Variants in AK9 observed in about 807,000 individuals in gnomAD.
AK9 encodes the protein adenylate kinase 9.
AK9 carries 191 observed loss-of-function variants against 239.6 expected under a neutral mutation model. The ratio of observed to expected loss-of-function variants is 0.80; its 90% CI spans 0.71 to 0.90. The LOEUF (loss-of-function observed/expected upper bound fraction) is 0.90. AK9 is among the 40% of genes least tolerant of loss of function. The pLI is 0.00. For missense variants in AK9, 1,995 were observed against 2,214.7 expected, an observed-to-expected ratio of 0.90 and a Z score of 1.99; for synonymous variants, 689 against 721.0, an observed-to-expected ratio of 0.96 and a Z score of 0.71.
In AK9 at chr6:109,497,909, T is replaced by C; in HGVS notation, c.5103A>G (p.Pro1701=). ...YVPPLAPHPL[P]SADMIPKRLT... The stretch of plus-strand genomic sequence containing the variant: ...GTCTTTTGGGGATCATGTCAGCAGA[T>C]GGGAGTGGATGAGGTGCTAAGGGAG... The change falls in exon 37 of 41, where the codon CCA becomes CCG. Residue 1701 remains proline, a synonymous_variant. Transcript: ENST00000424296. 1.2e-6 allele frequency: 2 copies of C among 1,614,114 alleles called. No homozygotes were observed. The highest frequency in any genetic ancestry group is 1.1e-5 in the South Asian group (1 of 91,080).
intron 21 of AK9, among the ~76,000 whole-genome samples, chr6:109,568,003 G>A (rs1436667933): frequency 6.6e-6 from 1 of 151,980 alleles, no homozygotes; most frequent in Non-Finnish European, 1.5e-5. Flanking sequence ...CAATGTCCCT[G>A]ATGAACATGG....
chr6:109,592,783 T>A lies in AK9; in HGVS notation c.1843-6711A>T, dbSNP rs149376968. 5.9e-3 allele frequency among the ~76,000 whole-genome samples: 666 copies of A among 113,120 alleles called. 6 individuals carry two copies. The highest frequency in any genetic ancestry group is 0.058 in the Middle Eastern group (11 of 190). 74.2% of individuals were successfully genotyped at this position (113,120 alleles called of 152,430 possible). A position where few individuals can be genotyped will look rare whatever the true frequency, so the allele number is the denominator to read the frequency against. On this transcript the variant is annotated intron_variant, in intron 17 of 40. Transcript: ENST00000424296. ...ATAAGTGATTAGATGCTTCTCTCTT[T>A]CTGATTTTAGGATTTTTTTCCCTTC...
chr6:109,644,767 G>A, intron 8 of AK9, 79 bp from the exon 9 acceptor site: 1 of 1,177,012 alleles, frequency 8.5e-7, no homozygotes, highest in Non-Finnish European at 1.2e-6. Context: ...TTAATATACT[G>A]TGCAGATATA....
intron 26 of AK9, among the ~76,000 whole-genome samples, chr6:109,544,231 G>A (rs1029143875): frequency 7.2e-5 from 11 of 152,126 alleles, no homozygotes; most frequent in African/African-American, 2.7e-4. Flanking sequence ...ACTGCATTTG[G>A]ATCATTTGAG....
At chr6:109,602,363 G>C (rs914379822) in intron 17 of AK9, among the ~76,000 whole-genome samples, 1 of 152,152 alleles carries the variant, frequency 6.6e-6, no homozygotes, top group Non-Finnish European at 1.5e-5. Flanking sequence ...GAAATTCTGG[G>C]TTGAAAATTC....
intron 17 of AK9, among the ~76,000 whole-genome samples, chr6:109,605,108 G>A (rs1792662233): frequency 6.6e-6 from 1 of 151,964 alleles, no homozygotes; most frequent in South Asian, 2.1e-4. Flanking sequence ...ATGTTTCAAG[G>A]CATTGTATAA....
chr6:109,652,716 C>T (rs1799143114), intron 8 of AK9, among the ~76,000 whole-genome samples: 2 of 152,176 alleles, frequency 1.3e-5, no homozygotes, highest in Non-Finnish European at 2.9e-5. Context: ...GTACTAACTG[C>T]AACCAGTGAA....
chr6:109,569,420 C>A (rs991510216), intron 21 of AK9, among the ~76,000 whole-genome samples: 3 of 152,016 alleles, frequency 2.0e-5, no homozygotes, highest in Admixed American at 6.6e-5. Flanking sequence ...AAAAGCCAAA[C>A]TTGACAAATG....
intron 19 of AK9, among the ~76,000 whole-genome samples, chr6:109,580,161 T>C (rs1241496703): frequency 1.3e-5 from 2 of 152,134 alleles, no homozygotes; most frequent in East Asian, 3.8e-4. Flanking sequence ...GCAGAACATT[T>C]GTAAATTTAT....
At chr6:109,498,688 T>C (rs1777310478) in intron 36 of AK9, among the ~76,000 whole-genome samples, 1 of 152,238 alleles carries the variant, frequency 6.6e-6, no homozygotes, top group African/African-American at 2.4e-5. Flanking sequence ...TTCTACTGAC[T>C]CTGATTCCCT....
intron 17 of AK9, among the ~76,000 whole-genome samples, chr6:109,601,324 TTCGTTATGTA>T (rs1003889962): frequency 6.6e-6 from 1 of 152,248 alleles, no homozygotes; most frequent in African/African-American, 2.4e-5. Context: ...CTGCTTTCAT[TTCGTTATGTA>T]CCCAGTAGTC....
chr6:109,637,960 C>T (rs1359644529), intron 10 of AK9, among the ~76,000 whole-genome samples: 1 of 152,154 alleles, frequency 6.6e-6, no homozygotes, highest in Non-Finnish European at 1.5e-5. Context: ...GGGATTTGGG[C>T]CTCAGGGATT....
intron 3 of AK9, among the ~76,000 whole-genome samples, chr6:109,673,217 G>GT (rs1226589940): frequency 2.6e-5 from 4 of 151,986 alleles, no homozygotes; most frequent in African/African-American, 4.8e-5. Context: ...GTGTGTGTGT[G>GT]TGAGTGTGTG....
At chr6:109,507,296 A>G (rs1364473378) in intron 33 of AK9, among the ~76,000 whole-genome samples, 1 of 152,094 alleles carries the variant, frequency 6.6e-6, no homozygotes, top group East Asian at 1.9e-4. Flanking sequence ...CCTGGTACAT[A>G]TTAGATGCTC....
At chr6:109,528,822 CTTA>C (rs773545892) in intron 29 of AK9, 186 bp downstream of exon 29, 10 of 1,000,832 alleles carry the variant, frequency 1.0e-5, no homozygotes, top group Non-Finnish European at 1.2e-5. Context: ...ACAAGAGTGT[CTTA>C]AGCCAGAAGG....
At chr6:109,667,990 T>C (rs746342830) in intron 5 of AK9, among the ~76,000 whole-genome samples, 53 of 152,234 alleles carry the variant, frequency 3.5e-4, no homozygotes, top group Admixed American at 6.5e-5. Context: ...TCTTCCACAA[T>C]GGTTGAACTA....
chr6:109,651,572 G>A (rs1251478481), intron 8 of AK9, among the ~76,000 whole-genome samples: 1 of 152,132 alleles, frequency 6.6e-6, no homozygotes, highest in East Asian at 1.9e-4. Flanking sequence ...TAAGATCAGA[G>A]CAGAACTGAA....
At chr6:109,628,758 A>G (rs1795812075) in intron 12 of AK9, among the ~76,000 whole-genome samples, 1 of 152,014 alleles carries the variant, frequency 6.6e-6, no homozygotes, top group South Asian at 2.1e-4. Context: ...CTCAGTGGAA[A>G]ACTTCTGTGG....
intron 26 of AK9, among the ~76,000 whole-genome samples, chr6:109,543,728 G>T (rs1214623913): frequency 6.6e-6 from 1 of 152,028 alleles, no homozygotes; most frequent in Non-Finnish European, 1.5e-5. Flanking sequence ...GATTACAGGC[G>T]TGAGCGACCG....
Sources: gnomAD v4.1 joint callset for allele counts (sites outside exome capture counted in the v4.1 genomes callset) on GRCh38, gnomAD v4.1.1 for gene constraint, MANE v1.5 for transcripts, NCBI Gene and HGNC (gene_info 2026-07-23, HGNC 2026-07-21) for gene names.